The following SCAF11 variants were observed in gnomAD, a reference collection of about 807,000 sequenced individuals.
SCAF11 encodes the protein protein SCAF11.
SCAF11 carries 47 observed loss-of-function variants against 140.5 expected under a neutral mutation model. The ratio of observed to expected loss-of-function variants is 0.33; its 90% CI spans 0.26 to 0.43. The LOEUF is 0.43. SCAF11 is among the 20% of genes least tolerant of loss of function. SCAF11 has a pLI of 1.00. For missense variants in SCAF11, 1,645 were observed against 1,705.1 expected (o/e 0.96, Z 0.62); for synonymous variants, 557 against 579.4 (o/e 0.96, Z 0.55).
At chr12:45,941,079 G>A (rs560174864) in intron 6 of SCAF11, among the ~76,000 whole-genome samples, 1 of 152,298 alleles carries the variant, frequency 6.6e-6, no homozygotes, top group African/African-American at 2.4e-5. Flanking sequence ...GAAAAGAAAT[G>A]ACAACTGGAA....
chr12:45,974,266 G>A, intron 1 of SCAF11: 1 of 468,792 alleles, frequency 2.1e-6, no homozygotes, highest in Non-Finnish European at 4.4e-6. Flanking sequence ...GGAGGGTCTT[G>A]CTTTGATGTT....
chr12:45,972,869 T>TATAGATATATAG (rs1565688597), intron 1 of SCAF11, among the ~76,000 whole-genome samples: 4 of 54,332 alleles, frequency 7.4e-5, no homozygotes, highest in African/African-American at 3.0e-4. Context: ...TATATCGATA[T>TATAGATATATAG]ATATATATAT....
At chr12:45,989,221 T>C (rs973796964) in intron 1 of SCAF11, among the ~76,000 whole-genome samples, 3 of 152,258 alleles carry the variant, frequency 2.0e-5, no homozygotes, top group African/African-American at 4.8e-5. Context: ...GGTGGTGATA[T>C]GTAGAAATTA....
Position 45,928,856 on chromosome 12 carries a change from G to T in SCAF11, c.845C>A (p.Thr282Asn). 2.1e-6 allele frequency: 3 copies of T among 1,446,542 alleles called. No homozygotes were observed. The highest frequency in any genetic ancestry group is 1.8e-6 in the Non-Finnish European group (2 of 1,087,574). The allele number at this position is 1,446,542 out of a possible 1,614,324, so 89.6% of individuals were successfully genotyped here. A position where few individuals can be genotyped will look rare whatever the true frequency, so the allele number is the denominator to read the frequency against. Residue 282 changes from threonine to asparagine, a missense_variant, in exon 11 of 15, where the codon ACT becomes AAT. Thr to Asn is a moderately conservative substitution (Grantham distance 65). Coordinates refer to ENST00000369367, the MANE Select transcript of SCAF11 (RefSeq NM_004719.3). ...TGCTAATGCATATCCCTTGCAAGAA[G>T]TACCTAATAATATTTAAAAAAAAAA... Reference protein sequence around the residue: ...TSTISFEHFGTSCKGYALAHT... With the variant: ...TSTISFEHFGNSCKGYALAHT...
At chr12:45,969,648 TC>T (rs1232596040) in intron 1 of SCAF11, among the ~76,000 whole-genome samples, 2 of 152,220 alleles carry the variant, frequency 1.3e-5, no homozygotes, top group Admixed American at 6.5e-5. Context: ...TTCTTTGTTT[TC>T]CCTAAAGCAA....
chr12:45,990,551 G>A lies in SCAF11; in HGVS notation c.-220C>T. 1.6e-6 allele frequency: 2 copies of A among 1,231,722 alleles called. No individual in the cohort carries two copies. Among genetic ancestry groups the A allele is most frequent in the Non-Finnish European group, 2.0e-6 (2 of 988,110 alleles). 76.3% of individuals were successfully genotyped at this position (1,231,722 alleles called of 1,614,324 possible). A position where few individuals can be genotyped will look rare whatever the true frequency, so the allele number is the denominator to read the frequency against. On this transcript the variant is annotated 5_prime_UTR_variant, in exon 1 of 15. Coordinates refer to ENST00000369367, the MANE Select transcript of SCAF11 (RefSeq NM_004719.3). ...GGAGCGACCCAGGTTGCGCTGCTCC[G>A]CGCGGCTTAAGCCACCGCTACTCCC...
chr12:45,924,689 A>T, intron 12 of SCAF11, 39 bp downstream of exon 12: 2 of 1,468,392 alleles, frequency 1.4e-6, no homozygotes, highest in Non-Finnish European at 1.9e-6. Context: ...AATGTTTACA[A>T]TGGCTATATT....
chr12:45,930,306 T>C (rs1945009840), intron 10 of SCAF11, among the ~76,000 whole-genome samples: 1 of 152,208 alleles, frequency 6.6e-6, no homozygotes, highest in South Asian at 2.1e-4. Context: ...TTACTCAAGG[T>C]TTACAGTATT....
intron 9 of SCAF11, among the ~76,000 whole-genome samples, chr12:45,932,633 T>C (rs1400577405): frequency 6.6e-6 from 1 of 152,138 alleles, no homozygotes; most frequent in African/African-American, 2.4e-5. Context: ...AAGTATATAT[T>C]ATTTATCTAG....
At chr12:45,943,892 C>G (rs976288899) in intron 6 of SCAF11, among the ~76,000 whole-genome samples, 13 of 152,128 alleles carry the variant, frequency 8.5e-5, no homozygotes, top group African/African-American at 2.9e-4. Context: ...GCTATCCAAT[C>G]TAATATGCCA....
At chr12:45,963,002 A>G (rs1394487596) in intron 2 of SCAF11, among the ~76,000 whole-genome samples, 1 of 152,250 alleles carries the variant, frequency 6.6e-6, no homozygotes, top group Admixed American at 6.5e-5. Context: ...TTCAAATACC[A>G]CATAAAATGG....
intron 1 of SCAF11, among the ~76,000 whole-genome samples, chr12:45,977,041 A>C (rs1400031960): frequency 1.3e-5 from 2 of 152,032 alleles, no homozygotes; most frequent in African/African-American, 2.4e-5. Context: ...GGCCCACATA[A>C]TTTCCCTGGT....
intron 3 of SCAF11, among the ~76,000 whole-genome samples, chr12:45,957,079 C>T (rs1014258596): frequency 3.3e-5 from 5 of 151,844 alleles, no homozygotes; most frequent in African/African-American, 4.8e-5. Context: ...ATTGCATAGG[C>T]GTAATAAATT....
At chr12:45,991,958 T>A (rs567140163), upstream of SCAF11, 257 of 1,289,320 alleles carry the variant, frequency 2.0e-4, 2 homozygotes, top group South Asian at 2.9e-3. Context: ...TCGCGCGTGC[T>A]GCGCTCTCCA....
intron 8 of SCAF11, among the ~76,000 whole-genome samples, chr12:45,933,485 A>G (rs906570977): frequency 2.6e-5 from 4 of 152,152 alleles, no homozygotes; most frequent in Non-Finnish European, 5.9e-5. Flanking sequence ...ATCTTAAGTG[A>G]CAGAATTTTT....
intron 7 of SCAF11, 72 bp downstream of exon 7, chr12:45,934,375 T>G: frequency 7.2e-7 from 1 of 1,380,784 alleles, no homozygotes; most frequent in Non-Finnish European, 1.0e-6. Flanking sequence ...CCTGAAGCAC[T>G]GGTTATTTAT....
chr12:45,966,657 C>A (rs1945957178), intron 1 of SCAF11, among the ~76,000 whole-genome samples: 1 of 151,936 alleles, frequency 6.6e-6, no homozygotes, highest in Non-Finnish European at 1.5e-5. Flanking sequence ...TGAATATCAT[C>A]CAGTGCTTCC....
intron 6 of SCAF11, chr12:45,944,946 T>C (rs914390388): frequency 3.1e-6 from 1 of 321,796 alleles, no homozygotes; most frequent in Admixed American, 5.3e-5. Flanking sequence ...CAAGGACTTC[T>C]GCACTAATGG....
rs750874144 is a variant in SCAF11, at chr12:45,926,592, T to C, written c.3109A>G (p.Arg1037Gly). 4.3e-6 allele frequency: 7 copies of C among 1,613,442 alleles called. No individual in the cohort carries two copies. In the East Asian group the frequency reaches 1.1e-4, roughly 26 times the overall value. Residue 1037 changes from arginine (R) to glycine (G), a missense_variant, in exon 11 of 15, where the codon AGA becomes GGA. Arg to Gly is a moderately radical substitution (Grantham distance 125, BLOSUM62 -2). This residue lies in a region of SCAF11 where 1,582 missense variants were observed against 1,609.2 expected (regional missense o/e 0.98). Coordinates refer to ENST00000369367, the MANE Select transcript of SCAF11 (RefSeq NM_004719.3). ...KINSGPDPRTRNPEKLKESHW... is the reference protein window; with the variant it reads ...KINSGPDPRTGNPEKLKESHW... ...GACTCTTTCAACTTTTCTGGATTTCTGGTTCTTGGATCAGGCCCAGAGTTT... is the reference window on the plus strand; with the variant it reads ...GACTCTTTCAACTTTTCTGGATTTCCGGTTCTTGGATCAGGCCCAGAGTTT...
Sources: gnomAD v4.1 joint callset for allele counts (sites outside exome capture counted in the v4.1 genomes callset) on GRCh38, gnomAD v4.1.1 for gene constraint, gnomAD v4.1.1 regional missense constraint, MANE v1.5 for transcripts, NCBI Gene and HGNC (gene_info 2026-07-23, HGNC 2026-07-21) for gene names.